FAM135B: variants seen among roughly 807,000 people sequenced by gnomAD.
The protein encoded by FAM135B is family with sequence similarity 135 member B.
In FAM135B, 43 loss-of-function variants were observed where a neutral mutation model predicts 127.7. That is an observed-to-expected ratio of 0.34 (90% CI 0.26 to 0.43). FAM135B has a LOEUF of 0.43. FAM135B is among the 20% of genes least tolerant of loss of function. FAM135B has a pLI of 1.00. For missense variants in FAM135B, 1,558 were observed against 1,725.6 expected, an observed-to-expected ratio of 0.90 and a Z score of 1.72; for synonymous variants, 670 against 665.1, an observed-to-expected ratio of 1.01 and a Z score of -0.11.
chr8:138,283,253 C>T (rs771870893), intron 3 of FAM135B, among the ~76,000 whole-genome samples: 6 of 152,000 alleles, frequency 3.9e-5, no homozygotes, highest in Non-Finnish European at 5.9e-5. Context: ...GTGGTACGTC[C>T]ATACAATGGA....
intron 18 of FAM135B, among the ~76,000 whole-genome samples, chr8:138,137,975 C>G (rs1195802700): frequency 6.6e-6 from 1 of 152,186 alleles, no homozygotes; most frequent in Non-Finnish European, 1.5e-5. Flanking sequence ...TATGTGTGCC[C>G]TACTGAAGTG....
chr8:138,379,574 A>AAGAC (rs979528922), intron 1 of FAM135B, among the ~76,000 whole-genome samples: 1 of 152,106 alleles, frequency 6.6e-6, no homozygotes, highest in African/African-American at 2.4e-5. Context: ...TTGCTAGGGA[A>AAGAC]AGACATAGGC....
intron 1 of FAM135B, among the ~76,000 whole-genome samples, chr8:138,451,650 G>C (rs1224222890): frequency 6.6e-6 from 1 of 152,172 alleles, no homozygotes; most frequent in African/African-American, 2.4e-5. Context: ...CCGTCAACTG[G>C]AATAGAGTTT....
At chr8:138,446,628 TC>T (rs1322724105) in intron 1 of FAM135B, among the ~76,000 whole-genome samples, 7 of 152,192 alleles carry the variant, frequency 4.6e-5, no homozygotes, top group African/African-American at 1.7e-4. Context: ...CTGGATCCCT[TC>T]CTTACACCTT....
chr8:138,494,625 G>A (rs775864530), intron 1 of FAM135B, among the ~76,000 whole-genome samples: 1 of 152,190 alleles, frequency 6.6e-6, no homozygotes, highest in Non-Finnish European at 1.5e-5. Context: ...GTATAAGACA[G>A]TCTTGGTTCC....
chr8:138,239,101 C>A (rs1389783109), intron 7 of FAM135B, among the ~76,000 whole-genome samples: 1 of 152,156 alleles, frequency 6.6e-6, no homozygotes, highest in Admixed American at 6.5e-5. Context: ...TACATATTAA[C>A]TTCTGAAATC....
At chr8:138,174,099 C>G (rs1814194262) in intron 11 of FAM135B, among the ~76,000 whole-genome samples, 1 of 152,222 alleles carries the variant, frequency 6.6e-6, no homozygotes, top group African/African-American at 2.4e-5. Flanking sequence ...ACCATCTATT[C>G]TGCCTTGCCC....
At chr8:138,497,458 C>G (rs6577929), upstream of FAM135B, among the ~76,000 whole-genome samples, 41,193 of 151,990 alleles carry the variant, frequency 0.27, 8,844 homozygotes, top group African/African-American at 0.6. Context: ...CGGCGGGGCT[C>G]CCCTCTCGAG....
intron 12 of FAM135B, among the ~76,000 whole-genome samples, chr8:138,156,560 A>C (rs1818770538): frequency 6.6e-6 from 1 of 152,200 alleles, no homozygotes; most frequent in African/African-American, 2.4e-5. Flanking sequence ...GAAGACTAAT[A>C]AAGAAGAAAA....
Position 138,442,237 on chromosome 8 carries a change from C to CT in FAM135B, c.-20+54433_-20+54434insA, listed in dbSNP as rs1835820540. Among the ~76,000 whole-genome samples the CT allele has an allele frequency of 4.2e-3, 217 of 51,914 alleles. 7 individuals are homozygous for CT. Among genetic ancestry groups the CT allele is most frequent in the African/African-American group, 0.018 (182 of 9,876 alleles). 34.1% of individuals were successfully genotyped at this position (51,914 alleles called of 152,430 possible). ...AATTTAACGTGAAGAATATGGACAC[C>CT]ATATATATATATATATATATATATA... On this transcript the variant is annotated intron_variant, in intron 1 of 19. Coordinates refer to ENST00000395297, the MANE Select transcript of FAM135B (RefSeq NM_015912.4).
intron 1 of FAM135B, among the ~76,000 whole-genome samples, chr8:138,463,776 G>T (rs1293830799): frequency 6.6e-6 from 1 of 152,148 alleles, no homozygotes; most frequent in Non-Finnish European, 1.5e-5. Flanking sequence ...GTTTCAGAAG[G>T]AGGAGGCTTG....
At chr8:138,154,204 A>G (rs1462988854) in intron 12 of FAM135B, among the ~76,000 whole-genome samples, 1 of 152,200 alleles carries the variant, frequency 6.6e-6, no homozygotes, top group Non-Finnish European at 1.5e-5. Flanking sequence ...AGCAAACTCC[A>G]AAAGACCTGC....
At chr8:138,184,744 A>G (rs16908495) in intron 9 of FAM135B, among the ~76,000 whole-genome samples, 10,106 of 152,188 alleles carry the variant, frequency 0.066, 840 homozygotes, top group African/African-American at 0.19. Flanking sequence ...ATGTCCACCT[A>G]AAGGGCGACC....
At chr8:138,447,528 A>T (rs2131576209) in intron 1 of FAM135B, among the ~76,000 whole-genome samples, 1 of 152,226 alleles carries the variant, frequency 6.6e-6, no homozygotes, top group South Asian at 2.1e-4. Flanking sequence ...GCTGGAACCT[A>T]TCGTTCTCAG....
At chr8:138,379,151 A>G (rs1831675810) in intron 1 of FAM135B, among the ~76,000 whole-genome samples, 1 of 152,302 alleles carries the variant, frequency 6.6e-6, no homozygotes, top group South Asian at 2.1e-4. Flanking sequence ...ACATAAGCAC[A>G]TACAACAAGG....
intron 7 of FAM135B, among the ~76,000 whole-genome samples, chr8:138,234,725 C>T (rs983775093): frequency 3.9e-5 from 6 of 152,188 alleles, no homozygotes; most frequent in East Asian, 3.9e-4. Flanking sequence ...TGGCACACTC[C>T]GTGTATAGGC....
At chr8:138,405,013 T>C (rs1304413) in intron 1 of FAM135B, among the ~76,000 whole-genome samples, 60,611 of 151,894 alleles carry the variant, frequency 0.4, 12,558 homozygotes, top group African/African-American at 0.52. Context: ...CCAAATCCAG[T>C]AGAGGAATCA....
intron 5 of FAM135B, among the ~76,000 whole-genome samples, chr8:138,252,106 A>G (rs2130501121): frequency 6.6e-6 from 1 of 152,324 alleles, no homozygotes; most frequent in Middle Eastern, 3.4e-3. Flanking sequence ...GGTACCAGAA[A>G]GAAACCTGTC....
chr8:138,395,591 AGTGG>A (rs1832805125), intron 1 of FAM135B, among the ~76,000 whole-genome samples: 1 of 152,218 alleles, frequency 6.6e-6, no homozygotes, highest in South Asian at 2.1e-4. Flanking sequence ...CTAGGTCCCA[AGTGG>A]GTCTCCTTGG....
Sources: allele counts gnomAD v4.1 joint callset (sites outside exome capture counted in the v4.1 genomes callset), GRCh38; gene constraint gnomAD v4.1.1; transcripts MANE v1.5; gene names NCBI Gene and HGNC (gene_info 2026-07-23, HGNC 2026-07-21).